The following KIF5C variants were observed in gnomAD, a reference collection of about 807,000 sequenced individuals.
KIF5C encodes the protein kinesin family member 5C, also known as kinesin heavy chain isoform 5C.
A neutral mutation model predicts 125.2 loss-of-function variants in KIF5C; 18 were observed. The ratio of observed to expected loss-of-function variants is 0.14; its 90% confidence interval spans 0.10 to 0.21. The LOEUF (loss-of-function observed/expected upper bound fraction) is 0.21. Ranked by LOEUF, KIF5C falls within the 10% of genes least tolerant of loss-of-function variation. KIF5C has a pLI of 1.00. For missense variants in KIF5C, 780 were observed against 1,183.8 expected (o/e 0.66, Z 5.01); for synonymous variants, 405 against 434.0 (o/e 0.93, Z 0.83).
chr2:148,983,802 C>T (rs934861121), intron 15 of KIF5C, 36 bp downstream of exon 15: 5 of 1,555,282 alleles, frequency 3.2e-6, no homozygotes, highest in South Asian at 1.2e-5. Flanking sequence ...TCTACCTGCT[C>T]CTGTCAAGTT....
intron 25 of KIF5C, among the ~76,000 whole-genome samples, chr2:149,016,719 T>G (rs1682371761): frequency 6.6e-6 from 1 of 151,984 alleles, no homozygotes; most frequent in South Asian, 2.1e-4. Context: ...GGTGGCTGGA[T>G]CCGTGGGTCT....
chr2:148,892,429 G>C (rs2105047500), intron 1 of KIF5C, among the ~76,000 whole-genome samples: 1 of 152,336 alleles, frequency 6.6e-6, no homozygotes, highest in East Asian at 1.9e-4. Context: ...ATTAGACTGA[G>C]ACGTAAGTTT....
intron 15 of KIF5C, among the ~76,000 whole-genome samples, chr2:148,989,410 G>C (rs1681467405): frequency 6.6e-6 from 1 of 151,876 alleles, no homozygotes; most frequent in Non-Finnish European, 1.5e-5. Context: ...GGGCATTTGG[G>C]CTGGTTCCAT....
Position 148,875,575 on chromosome 2 carries a change from G to GGCCCCCCCCCCCCCCCCCCCCCCCCCCCC in KIF5C, c.-43_-42insGCCCCCCCCCCCCCCCCCCCCCCCCCCCC. ...TCCTCCCTCGTCGTTCCCGGCCCCG[G>GGCCCCCCCCCCCCCCCCCCCCCCCCCCCC]CCCCCCACCCATCCCCGTGCCCCCT... is the stretch of plus-strand genomic sequence containing the variant. On this transcript the variant is annotated 5_prime_UTR_variant, in exon 1 of 26. Transcript: ENST00000435030. The GGCCCCCCCCCCCCCCCCCCCCCCCCCCCC allele has an allele frequency of 1.4e-6, 1 of 699,604 alleles. No individual in the cohort carries two copies. Among genetic ancestry groups the GGCCCCCCCCCCCCCCCCCCCCCCCCCCCC allele is most frequent in the Non-Finnish European group, 2.6e-6 (1 of 389,228 alleles). The allele number at this position is 699,604 out of a possible 1,614,324, so 43.3% of individuals were successfully genotyped here.
At chr2:148,936,710 T>C (rs1484505769) in intron 3 of KIF5C, among the ~76,000 whole-genome samples, 1 of 152,242 alleles carries the variant, frequency 6.6e-6, no homozygotes, top group African/African-American at 2.4e-5. Flanking sequence ...AAAAATTATT[T>C]GGAACAATTT....
In KIF5C at chr2:148,997,264, A is replaced by G. The variant is rs1343855404; in HGVS notation, c.2024A>G (p.Glu675Gly). 6.2e-7 allele frequency: 1 copy of G among 1,610,934 alleles called. No individual in the cohort carries two copies. The highest frequency in any genetic ancestry group is 8.5e-7 in the Non-Finnish European group (1 of 1,177,402). The change falls in exon 18 of 26, where the codon GAA becomes GGA. Residue 675 changes from glutamate (E) to glycine (G), a missense_variant and splice_region_variant. Glu to Gly is a moderately conservative substitution (Grantham distance 98). This residue lies in a region of KIF5C where 573 missense variants were observed against 742.6 expected (regional missense o/e 0.77). Coordinates refer to ENST00000435030, the MANE Select transcript of KIF5C (RefSeq NM_004522.3). ...SEELAKLRAQ[E>G]KMHEVSFQDK... The stretch of plus-strand genomic sequence containing the variant: ...AATCATCATTTAAAATTCAAAACAG[A>G]AAAAATGCACGAAGTCAGCTTCCAG...
intron 25 of KIF5C, among the ~76,000 whole-genome samples, chr2:149,016,689 G>A (rs975738615): frequency 1.3e-5 from 2 of 152,176 alleles, no homozygotes; most frequent in Non-Finnish European, 2.9e-5. Flanking sequence ...AGCCCACCAC[G>A]CAAGTGGGTG....
At chr2:149,012,490 G>A (rs1682237539) in intron 25 of KIF5C, among the ~76,000 whole-genome samples, 1 of 152,236 alleles carries the variant, frequency 6.6e-6, no homozygotes, top group African/African-American at 2.4e-5. Flanking sequence ...TCCCAAGGCA[G>A]GCAAGCATGC....
At chr2:148,898,008 C>A (rs1472543926) in intron 1 of KIF5C, among the ~76,000 whole-genome samples, 1 of 135,036 alleles carries the variant, frequency 7.4e-6, no homozygotes. Context: ...AGAGAAAGCT[C>A]AGGGTTTGAG....
intron 10 of KIF5C, among the ~76,000 whole-genome samples, chr2:148,955,297 C>T (rs990255956): frequency 2.0e-5 from 3 of 152,132 alleles, no homozygotes; most frequent in African/African-American, 7.2e-5. Context: ...AAATACAAAT[C>T]GAGGCGTTGC....
At chr2:148,914,941 A>G (rs1203569539) in intron 1 of KIF5C, among the ~76,000 whole-genome samples, 1 of 152,232 alleles carries the variant, frequency 6.6e-6, no homozygotes, top group Non-Finnish European at 1.5e-5. Flanking sequence ...GCCATTGCAA[A>G]TGAGTAGACC....
At chr2:148,969,328 C>G (rs1680834398) in intron 11 of KIF5C, among the ~76,000 whole-genome samples, 1 of 151,756 alleles carries the variant, frequency 6.6e-6, no homozygotes, top group Non-Finnish European at 1.5e-5. Context: ...AGTGAATGCT[C>G]CTATGTAAAC....
At chr2:148,962,303 T>C (rs987469058) in intron 11 of KIF5C, among the ~76,000 whole-genome samples, 184 bp downstream of exon 11, 13 of 151,984 alleles carry the variant, frequency 8.6e-5, no homozygotes, top group South Asian at 2.1e-4. Context: ...GTAGCTGGGA[T>C]TACAGGCGTG....
chr2:148,915,702 G>A (rs1370990765), intron 1 of KIF5C, among the ~76,000 whole-genome samples: 1 of 152,248 alleles, frequency 6.6e-6, no homozygotes, highest in Non-Finnish European at 1.5e-5. Context: ...GGCTCCCCCA[G>A]AAGCAGACCC....
intron 15 of KIF5C, among the ~76,000 whole-genome samples, chr2:148,987,395 G>T (rs886233145): frequency 6.6e-6 from 1 of 152,206 alleles, no homozygotes; most frequent in Admixed American, 6.5e-5. Flanking sequence ...ACCACTTCAT[G>T]GTTGGTGGTC....
chr2:148,896,332 G>A (rs1438353299), intron 1 of KIF5C, among the ~76,000 whole-genome samples: 1 of 152,206 alleles, frequency 6.6e-6, no homozygotes, highest in African/African-American at 2.4e-5. Context: ...GAGAGGCCAC[G>A]TCAGCAGCAT....
At chr2:148,972,610 C>A (rs758952103) in intron 11 of KIF5C, among the ~76,000 whole-genome samples, 20 of 152,326 alleles carry the variant, frequency 1.3e-4, no homozygotes, top group Non-Finnish European at 2.1e-4. Flanking sequence ...AAATGCTACT[C>A]TGCAAACTGA....
At chr2:148,880,649 G>A (rs1265947814) in intron 1 of KIF5C, among the ~76,000 whole-genome samples, 2 of 152,212 alleles carry the variant, frequency 1.3e-5, no homozygotes, top group African/African-American at 4.8e-5. Flanking sequence ...ACCAAAGTAA[G>A]TTTATTTAGT....
chr2:148,909,139 G>A (rs796673249), intron 1 of KIF5C, among the ~76,000 whole-genome samples: 4 of 152,264 alleles, frequency 2.6e-5, no homozygotes, highest in African/African-American at 9.6e-5. Context: ...ATGTGCTACC[G>A]GGCTTTGCAG....
Sources: gnomAD v4.1 joint callset for allele counts (sites outside exome capture counted in the v4.1 genomes callset) on GRCh38, gnomAD v4.1.1 for gene constraint, gnomAD v4.1.1 regional missense constraint, MANE v1.5 for transcripts, NCBI Gene and HGNC (gene_info 2026-07-23, HGNC 2026-07-21) for gene names.